Variants in FGF12 observed in about 807,000 individuals in gnomAD.
FGF12 encodes the protein fibroblast growth factor 12B.
Under a neutral mutation model 23.6 loss-of-function variants are expected in FGF12, and 14 were observed. That is an observed-to-expected ratio of 0.59 (90% confidence interval 0.39 to 0.93). The LOEUF (loss-of-function observed/expected upper bound fraction) is 0.93, where lower values mean the gene tolerates loss of function less well. Among genes scored for constraint, FGF12 ranks in the 40% least tolerant of loss-of-function variants. FGF12 has a pLI of 0.00. For missense variants in FGF12, 175 were observed against 217.8 expected (o/e 0.80, Z 1.24); for synonymous variants, 62 against 77.3 (o/e 0.80, Z 1.04).
intron 2 of FGF12, among the ~76,000 whole-genome samples, chr3:192,620,281 C>T (rs567083329): frequency 6.6e-6 from 1 of 151,756 alleles, no homozygotes; most frequent in African/African-American, 2.4e-5. Context: ...CACACTCAAA[C>T]CTGAAAAATA....
chr3:192,233,820 T>G (rs1181976478), intron 4 of FGF12, among the ~76,000 whole-genome samples: 1 of 152,146 alleles, frequency 6.6e-6, no homozygotes, highest in East Asian at 1.9e-4. Context: ...CCATTGATTG[T>G]TAATGGGCAG....
At chr3:192,243,591 A>C (rs1719733117) in intron 4 of FGF12, among the ~76,000 whole-genome samples, 2 of 151,974 alleles carry the variant, frequency 1.3e-5, no homozygotes, top group Admixed American at 1.3e-4. Flanking sequence ...TTAAGCATAA[A>C]ATTTTAAACA....
chr3:192,622,935 T>A (rs547702231), intron 2 of FGF12, among the ~76,000 whole-genome samples: 1 of 152,356 alleles, frequency 6.6e-6, no homozygotes, highest in Non-Finnish European at 1.5e-5. Context: ...TTCTGGATTA[T>A]GACATTTGCA....
chr3:192,367,447 T>G (rs1576916050), intron 2 of FGF12, among the ~76,000 whole-genome samples: 1 of 152,160 alleles, frequency 6.6e-6, no homozygotes, highest in East Asian at 1.9e-4. Flanking sequence ...AATTAGACTA[T>G]TAGGGTTAGA....
intron 4 of FGF12, among the ~76,000 whole-genome samples, chr3:192,233,382 T>C (rs1382687046): frequency 1.3e-5 from 2 of 152,168 alleles, no homozygotes; most frequent in African/African-American, 4.8e-5. Context: ...GTCCTTTGCC[T>C]ATTTTTTAAT....
At chr3:192,405,311 C>A (rs773765794) in intron 2 of FGF12, among the ~76,000 whole-genome samples, 1 of 151,168 alleles carries the variant, frequency 6.6e-6, no homozygotes, top group East Asian at 1.9e-4. Context: ...AGCTTCAATA[C>A]TACACATATC....
At chr3:192,254,875 T>TA (rs1468503441) in intron 4 of FGF12, among the ~76,000 whole-genome samples, 1 of 152,092 alleles carries the variant, frequency 6.6e-6, no homozygotes, top group Non-Finnish European at 1.5e-5. Flanking sequence ...TGAACACATA[T>TA]AAAACTCCTT....
intron 2 of FGF12, among the ~76,000 whole-genome samples, chr3:192,547,722 T>G (rs749543162): frequency 1.3e-5 from 2 of 152,210 alleles, no homozygotes; most frequent in Non-Finnish European, 2.9e-5. Flanking sequence ...GCTCTAGGTA[T>G]ATAATGCTAG....
chr3:192,141,318 T>C lies in FGF12; in HGVS notation c.*2691A>G, dbSNP rs564018460. The C allele has an allele frequency of 6.6e-6, 1 of 152,044 alleles. No homozygotes were observed. The highest frequency in any genetic ancestry group is 1.9e-4 in the East Asian group (1 of 5,186). 9.4% of individuals were successfully genotyped at this position (152,044 alleles called of 1,614,324 possible). ...TTGGATATTATATGTTTACACATGG[T>C]AATATTTTTAAAAACTCAGTGAATA... is the stretch of plus-strand genomic sequence containing the variant. On this transcript the variant is annotated 3_prime_UTR_variant, in exon 6 of 6. Coordinates refer to ENST00000445105, the MANE Select transcript of FGF12 (RefSeq NM_004113.6).
chr3:192,149,784 T>G (rs1713948342), intron 5 of FGF12, among the ~76,000 whole-genome samples: 1 of 61,904 alleles, frequency 1.6e-5, no homozygotes, highest in African/African-American at 4.4e-5. Context: ...TATGTCTGCA[T>G]GTGTCTTTAT....
chr3:192,623,659 T>C (rs1207787136), intron 2 of FGF12, among the ~76,000 whole-genome samples: 3 of 152,336 alleles, frequency 2.0e-5, no homozygotes, highest in African/African-American at 7.2e-5. Context: ...TACAGTAGAA[T>C]GCTGTCCTCC....
intron 4 of FGF12, among the ~76,000 whole-genome samples, chr3:192,262,843 T>C (rs1712843408): frequency 6.6e-6 from 1 of 151,640 alleles, no homozygotes; most frequent in African/African-American, 2.4e-5. Flanking sequence ...ATCAAAAAAG[T>C]AGATAAAAAC....
intron 4 of FGF12, among the ~76,000 whole-genome samples, chr3:192,230,785 T>C (rs1385623213): frequency 6.6e-6 from 1 of 152,242 alleles, no homozygotes; most frequent in Non-Finnish European, 1.5e-5. Flanking sequence ...TTAATAGGAT[T>C]AGAGGACACC....
intron 2 of FGF12, among the ~76,000 whole-genome samples, chr3:192,581,274 A>T (rs1713123390): frequency 6.6e-6 from 1 of 151,968 alleles, no homozygotes; most frequent in African/African-American, 2.4e-5. Context: ...ATTTCAACAC[A>T]TCTTAATACA....
At chr3:192,712,065 G>C (rs569967282) in intron 2 of FGF12, among the ~76,000 whole-genome samples, 2 of 150,352 alleles carry the variant, frequency 1.3e-5, no homozygotes, top group African/African-American at 4.9e-5. Flanking sequence ...AGACAAATAA[G>C]CCTCTTGGAA....
At chr3:192,192,556 C>T (rs755661681) in intron 4 of FGF12, among the ~76,000 whole-genome samples, 13 of 150,168 alleles carry the variant, frequency 8.7e-5, no homozygotes, top group Non-Finnish European at 1.3e-4. Context: ...GACAGATCTT[C>T]GCACTTGAAA....
intron 2 of FGF12, among the ~76,000 whole-genome samples, chr3:192,496,155 C>T (rs927767966): frequency 3.9e-5 from 6 of 152,098 alleles, no homozygotes; most frequent in African/African-American, 9.7e-5. Flanking sequence ...CAAGAAAAGC[C>T]GAAGCAAGAT....
intron 2 of FGF12, among the ~76,000 whole-genome samples, chr3:192,423,519 A>G (rs1332203171): frequency 1.3e-5 from 2 of 152,150 alleles, no homozygotes. Context: ...AATACAACAG[A>G]CTCTCATGAC....
At chr3:192,345,136 T>G (rs568387286) in intron 3 of FGF12, among the ~76,000 whole-genome samples, 2 of 152,354 alleles carry the variant, frequency 1.3e-5, no homozygotes, top group South Asian at 4.1e-4. Context: ...CATTAATTCA[T>G]CACATATATT....
Sources: allele counts gnomAD v4.1 joint callset (sites outside exome capture counted in the v4.1 genomes callset), GRCh38; gene constraint gnomAD v4.1.1; transcripts MANE v1.5; gene names NCBI Gene and HGNC (gene_info 2026-07-23, HGNC 2026-07-21).